PDIA6: variants seen among roughly 807,000 people sequenced by gnomAD.
PDIA6 encodes the protein protein disulfide isomerase family A member 6.
PDIA6 carries 29 observed loss-of-function variants against 58.4 expected under a neutral mutation model. The ratio of observed to expected loss-of-function variants is 0.50; its 90% CI spans 0.37 to 0.68. The LOEUF is 0.68. Ranked by LOEUF, PDIA6 falls within the 30% of genes least tolerant of loss-of-function variation. The pLI, the probability that PDIA6 is intolerant of heterozygous loss-of-function variation, is 0.00. For missense variants in PDIA6, 480 were observed against 551.0 expected, an observed-to-expected ratio of 0.87 and a Z score of 1.29; for synonymous variants, 192 against 202.6, an observed-to-expected ratio of 0.95 and a Z score of 0.44.
At chr2:10,790,237 G>T (rs557744003) in intron 7 of PDIA6, among the ~76,000 whole-genome samples, 1 of 143,790 alleles carries the variant, frequency 7.0e-6, no homozygotes, top group Admixed American at 6.6e-5. Flanking sequence ...CTCCCAAAGT[G>T]TTGGGATTAC....
chr2:10,793,036 AG>A, intron 5 of PDIA6, 59 bp downstream of exon 5: 2 of 1,038,798 alleles, frequency 1.9e-6, no homozygotes, highest in Non-Finnish European at 3.0e-6. Context: ...ATCTTATACA[AG>A]GTATCCACTC....
In PDIA6 at chr2:10,821,980, C is replaced by T. The variant is rs145562623; in HGVS notation, c.-47-2626G>A. On this transcript the variant is annotated intron_variant, in intron 1 of 13. Transcript: ENST00000381611. ...AATTTTTTTGAGACAGAGTCTGTTG[C>T]CCAGGCTGGAGTGCAGTGGTATGAT... is the stretch of plus-strand genomic sequence containing the variant. Among the ~76,000 whole-genome samples the T allele has an allele frequency of 5.9e-3, 902 of 151,922 alleles. 5 individuals are homozygous for T. Among genetic ancestry groups the T allele is most frequent in the African/African-American group, 0.021 (872 of 41,412 alleles).
In PDIA6 at chr2:10,784,244, C is replaced by T; in HGVS notation, c.*14G>A. On this transcript the variant is annotated 3_prime_UTR_variant, in exon 13 of 13. Coordinates refer to ENST00000272227, the MANE Select transcript of PDIA6 (RefSeq NM_005742.4). ...CCAAGAAAAGAAAATGGTCTGAAGC[C>T]TCTGTTGTGGCTCTCACAACTCATC... The T allele has an allele frequency of 3.7e-6, 6 of 1,605,590 alleles. No homozygotes were observed. The highest frequency in any genetic ancestry group is 1.7e-4 in the Middle Eastern group (1 of 6,048).
At position 10,818,486 on chromosome 2, in the gene PDIA6, A is replaced by T. The variant is rs199629742; in HGVS notation, c.34+788T>A. On this transcript the variant is annotated intron_variant, in intron 2 of 13. Transcript: ENST00000381611. ...CCAGCTCACTTTAACCATTTAATTTATTTATTTATTTATTTATTTATTTAT... is the reference window on the plus strand; with the variant it reads ...CCAGCTCACTTTAACCATTTAATTTTTTTATTTATTTATTTATTTATTTAT... Among the ~76,000 whole-genome samples, 56 of 48,066 alleles carry T rather than the reference A, an allele frequency of 1.2e-3. No individual in the cohort carries two copies. In the South Asian group the frequency reaches 0.026, roughly 23 times the overall value. The allele number at this position is 48,066 out of a possible 152,430, so 31.5% of individuals were successfully genotyped here.
chr2:10,785,222 G>A (rs1470582455), intron 11 of PDIA6, 192 bp from the exon 12 acceptor site: 1 of 536,572 alleles, frequency 1.9e-6, no homozygotes, highest in Non-Finnish European at 3.3e-6. Context: ...ATTACAACCA[G>A]ATTCAACATT....
upstream of PDIA6, among the ~76,000 whole-genome samples, chr2:10,817,299 C>T (rs1239896408): frequency 6.6e-6 from 1 of 152,206 alleles, no homozygotes; most frequent in African/African-American, 2.4e-5. Flanking sequence ...GATGGTGACG[C>T]TGTTACAACA....
intron 1 of PDIA6, among the ~76,000 whole-genome samples, chr2:10,831,947 G>C (rs1667720718): frequency 1.4e-5 from 2 of 146,454 alleles, no homozygotes; most frequent in Admixed American, 1.4e-4. Flanking sequence ...AGGCGGGCAA[G>C]CCAGGGTCCC....
chr2:10,790,878 C>T, intron 6 of PDIA6, 45 bp from the exon 7 acceptor site: 1 of 1,391,310 alleles, frequency 7.2e-7, no homozygotes, highest in Non-Finnish European at 1.0e-6. Flanking sequence ...GAGACACAGT[C>T]TCTCTCTGTT....
At chr2:10,822,831 G>C (rs534264363) in intron 1 of PDIA6, among the ~76,000 whole-genome samples, 1 of 152,234 alleles carries the variant, frequency 6.6e-6, no homozygotes, top group Non-Finnish European at 1.5e-5. Context: ...TGTTATGGCT[G>C]TTGCCTCTCT....
chr2:10,792,454 G>T (rs1237730733), intron 5 of PDIA6, among the ~76,000 whole-genome samples: 1 of 152,208 alleles, frequency 6.6e-6, no homozygotes, highest in African/African-American at 2.4e-5. Flanking sequence ...CTCATTAAAT[G>T]TCTAAGTTTA....
chr2:10,831,111 T>C (rs1375068838), intron 1 of PDIA6, among the ~76,000 whole-genome samples: 5 of 152,178 alleles, frequency 3.3e-5, no homozygotes, highest in Admixed American at 2.6e-4. Context: ...CCGGGATTCC[T>C]TGACTGCAGT....
chr2:10,812,179 G>A (rs1335903845), intron 1 of PDIA6, among the ~76,000 whole-genome samples: 2 of 152,118 alleles, frequency 1.3e-5, no homozygotes, highest in African/African-American at 4.8e-5. Context: ...CAAAGTGCTG[G>A]GATTACAGGT....
chr2:10,825,824 A>T (rs1466140004), intron 1 of PDIA6, among the ~76,000 whole-genome samples: 1 of 152,254 alleles, frequency 6.6e-6, no homozygotes, highest in Non-Finnish European at 1.5e-5. Context: ...GTCAGAGAAT[A>T]ACAAGTGTTG....
At chr2:10,832,190 G>C (rs72779485) in intron 1 of PDIA6, 30,186 of 153,302 alleles carry the variant, frequency 0.2, 3,351 homozygotes, top group Non-Finnish European at 0.25. Context: ...CCAACCCCAG[G>C]CACATACTCA....
chr2:10,786,691 C>T (rs954903042), intron 11 of PDIA6, among the ~76,000 whole-genome samples: 3 of 152,114 alleles, frequency 2.0e-5, no homozygotes, highest in African/African-American at 7.2e-5. Context: ...AAGAAATGAA[C>T]GCGGAAGAAA....
At chr2:10,833,160 C>G (rs1291517163), upstream of PDIA6, among the ~76,000 whole-genome samples, 2 of 152,198 alleles carry the variant, frequency 1.3e-5, no homozygotes, top group African/African-American at 4.8e-5. Flanking sequence ...GTGTCAGGGA[C>G]AGCCCCGCTC....
At chr2:10,795,659 T>C (rs1274653791) in intron 4 of PDIA6, among the ~76,000 whole-genome samples, 1 of 152,242 alleles carries the variant, frequency 6.6e-6, no homozygotes, top group Non-Finnish European at 1.5e-5. Flanking sequence ...CACTAAGTAC[T>C]GTTTAGTTAC....
intron 1 of PDIA6, among the ~76,000 whole-genome samples, chr2:10,805,098 A>G (rs1446572160): frequency 6.6e-6 from 1 of 151,622 alleles, no homozygotes; most frequent in East Asian, 1.9e-4. Flanking sequence ...ACAGCAAAAG[A>G]AACTACCATC....
exon 1 of PDIA6, chr2:10,837,550 A>G: frequency 4.1e-6 from 3 of 740,540 alleles, no homozygotes; most frequent in Non-Finnish European, 7.2e-6. Context: ...TGCAAGTATC[A>G]TCAACTCATT....
Sources: allele counts gnomAD v4.1 joint callset (sites outside exome capture counted in the v4.1 genomes callset), GRCh38; gene constraint gnomAD v4.1.1; transcripts MANE v1.5; gene names NCBI Gene and HGNC (gene_info 2026-07-23, HGNC 2026-07-21).